SAFB2: variants seen among roughly 807,000 people sequenced by gnomAD.
SAFB2 encodes scaffold attachment factor B2.
In SAFB2, 32 loss-of-function variants were observed where a neutral mutation model predicts 100.6. The ratio of observed to expected loss-of-function variants is 0.32; its 90% CI spans 0.24 to 0.43. SAFB2 has a LOEUF of 0.43. Among genes scored for constraint, SAFB2 ranks in the 20% least tolerant of loss-of-function variants. The probability of loss-of-function intolerance (pLI) is 1.00; values close to 1 mark genes in which losing one functional copy is unlikely to be tolerated. For missense variants in SAFB2, 1,185 were observed against 1,163.4 expected, an observed-to-expected ratio of 1.02 and a Z score of -0.27; for synonymous variants, 500 against 439.4, an observed-to-expected ratio of 1.14 and a Z score of -1.72.
At chr19:5,620,465 C>CA (rs2053117576) in intron 2 of SAFB2, among the ~76,000 whole-genome samples, 1 of 152,158 alleles carries the variant, frequency 6.6e-6, no homozygotes, top group Non-Finnish European at 1.5e-5. Context: ...TTATGGAATT[C>CA]AATGCTTTCA....
chr19:5,616,025 T>C (rs2053020734), intron 4 of SAFB2, 107 bp downstream of exon 4: 7 of 985,974 alleles, frequency 7.1e-6, no homozygotes, highest in East Asian at 4.8e-5. Flanking sequence ...GAAGCAGAAC[T>C]GTGTGTTCAT....
chr19:5,605,602 G>A (rs1054444142), intron 9 of SAFB2, among the ~76,000 whole-genome samples: 15 of 152,168 alleles, frequency 9.9e-5, no homozygotes, highest in African/African-American at 3.6e-4. Flanking sequence ...CACTCCAGCT[G>A]GGCCTGAGAA....
At position 5,602,545 on chromosome 19, in the gene SAFB2, G is replaced by A. The variant is rs368265100; in HGVS notation, c.1559+2038C>T. On this transcript the variant is annotated intron_variant, in intron 11 of 20. Coordinates refer to ENST00000252542, the MANE Select transcript of SAFB2 (RefSeq NM_014649.3). ...ACCCAGTTAAGAGCCATGGGGCTCC[G>A]AGCAAACTTCATAGGTTGAATCCCA... 1.7e-3 allele frequency among the ~76,000 whole-genome samples: 241 copies of A among 145,612 alleles called. 1 individual carries two copies. Among genetic ancestry groups the A allele is most frequent in the African/African-American group, 5.2e-3 (206 of 39,558 alleles).
rs1415901874 is a variant in SAFB2 at position 5,604,687 on chromosome 19, A to G, written c.1455T>C (p.Asn485=). ...CGGAAAGCTTTTTCCCAGCAGGCTC[A>G]TTTTTGGCCTAAAATATAATAGACA... ...GRMISVEKAK[N]EPAGKKLSDR... Residue 485 remains asparagine, a synonymous_variant, in exon 11 of 21, where the codon AAT becomes AAC. Transcript: ENST00000252542. The G allele has an allele frequency of 6.2e-7, 1 of 1,614,016 alleles. No individual in the cohort carries two copies.
At chr19:5,614,570 G>A (rs552573583) in intron 4 of SAFB2, among the ~76,000 whole-genome samples, 4 of 152,240 alleles carry the variant, frequency 2.6e-5, no homozygotes, top group Non-Finnish European at 4.4e-5. Context: ...TGGAGGCAAT[G>A]ACTTTTGACC....
chr19:5,606,611 C>T (rs1300294852), intron 9 of SAFB2, among the ~76,000 whole-genome samples: 1 of 152,012 alleles, frequency 6.6e-6, no homozygotes, highest in African/African-American at 2.4e-5. Flanking sequence ...CAGTGAGATC[C>T]TGTCTCTAAG....
At chr19:5,592,575 T>G (rs574905967) in intron 16 of SAFB2, among the ~76,000 whole-genome samples, 172 bp downstream of exon 16, 9 of 152,328 alleles carry the variant, frequency 5.9e-5, no homozygotes, top group African/African-American at 2.2e-4. Flanking sequence ...AGCTGGGGAT[T>G]CCAGCAACTC....
chr19:5,621,812 C>T (rs1192481636), intron 1 of SAFB2, among the ~76,000 whole-genome samples: 1 of 152,260 alleles, frequency 6.6e-6, no homozygotes, highest in Non-Finnish European at 1.5e-5. Context: ...ACAGGTCCCT[C>T]AGTGCCTGCC....
chr19:5,609,584 A>G (rs1255302618), intron 9 of SAFB2, among the ~76,000 whole-genome samples: 2 of 151,348 alleles, frequency 1.3e-5, no homozygotes, highest in African/African-American at 2.4e-5. Context: ...TAAGGGAAAA[A>G]TCTCATCATG....
At chr19:5,593,801 G>C in intron 15 of SAFB2, 90 bp downstream of exon 15, 1 of 1,292,340 alleles carries the variant, frequency 7.7e-7, no homozygotes, top group Middle Eastern at 2.8e-4. Context: ...CCCACCGACA[G>C]GGACGGAAGG....
intron 15 of SAFB2, 127 bp downstream of exon 15, chr19:5,593,764 G>T: frequency 1.9e-6 from 2 of 1,047,274 alleles, no homozygotes; most frequent in Non-Finnish European, 2.6e-6. Flanking sequence ...TCCCCAAGGC[G>T]CATGCTCCAT....
Position 5,610,658 on chromosome 19 carries a change from T to A in SAFB2, c.1176A>T (p.Pro392=). ...SSFKEEKDIK[P]IIKDEKGRVG... The stretch of plus-strand genomic sequence containing the variant: ...TCATACCTTTTTCATCTTTAATGAT[T>A]GGCTTTATATCTTTTTCTTCCTTAA... Residue 392 remains proline (P), a synonymous_variant, in exon 8 of 21, where the codon CCA becomes CCT. Transcript: ENST00000252542. 1 of 1,572,832 alleles carries A rather than the reference T, an allele frequency of 6.4e-7. No individual in the cohort carries two copies. The highest frequency in any genetic ancestry group is 8.7e-7 in the Non-Finnish European group (1 of 1,148,440).
chr19:5,602,884 G>C (rs1201923493), intron 11 of SAFB2, among the ~76,000 whole-genome samples: 1 of 151,962 alleles, frequency 6.6e-6, no homozygotes, highest in Admixed American at 6.6e-5. Flanking sequence ...TTTTGAAGTT[G>C]CTGATTAAAT....
intron 4 of SAFB2, among the ~76,000 whole-genome samples, chr19:5,615,351 T>C (rs1410961607): frequency 6.6e-6 from 1 of 151,924 alleles, no homozygotes; most frequent in African/African-American, 2.4e-5. Context: ...AGAGACTCTG[T>C]CTCAAAAACA....
At chr19:5,595,593 G>GC (rs2052520060) in intron 13 of SAFB2, 96 bp from the exon 14 acceptor site, 1 of 1,441,158 alleles carries the variant, frequency 6.9e-7, no homozygotes, top group East Asian at 2.3e-5. Context: ...AGATTCTCTG[G>GC]CCCCACATGG....
At chr19:5,596,460 T>G (rs2052538305) in intron 13 of SAFB2, among the ~76,000 whole-genome samples, 1 of 152,188 alleles carries the variant, frequency 6.6e-6, no homozygotes, top group Admixed American at 6.5e-5. Flanking sequence ...TCCTCCCACC[T>G]CAGCCTCCTC....
At chr19:5,591,467 A>T (rs2052402346) in intron 17 of SAFB2, 1 of 304,862 alleles carries the variant, frequency 3.3e-6, no homozygotes, top group Non-Finnish European at 6.2e-6. Flanking sequence ...TTTAGTAGAG[A>T]CAGGGTTTCA....
Position 5,611,201 on chromosome 19 carries a change from T to C in SAFB2, c.1064A>G (p.Lys355Arg). The C allele has an allele frequency of 2.3e-6, 1 of 436,214 alleles. No homozygotes were observed. The highest frequency in any genetic ancestry group is 3.8e-6 in the Non-Finnish European group (1 of 265,454). The allele number at this position is 436,214 out of a possible 1,614,324, so 27.0% of individuals were successfully genotyped here. The stretch of plus-strand genomic sequence containing the variant: ...TTCATTACAAGCGTCAAAATCAAAC[T>C]TCCTCCCGTCTTCTTTGCTATCTCT... ...EARDSKEDGR[K>R]FDFDACNEVP... Residue 355 changes from lysine (K) to arginine (R), a missense_variant, in exon 7 of 21, where the codon AAG becomes AGG. Around this residue, in one of 3 missense-constraint regions of SAFB2, gnomAD observed 351 missense variants for 341.2 expected, o/e 1.03. Coordinates refer to ENST00000252542, the MANE Select transcript of SAFB2 (RefSeq NM_014649.3).
At chr19:5,592,995 C>T (rs191183179) in intron 15 of SAFB2, 108 bp from the exon 16 acceptor site, 39 of 1,009,486 alleles carry the variant, frequency 3.9e-5, no homozygotes, top group Middle Eastern at 2.3e-4. Flanking sequence ...GACCCAGTAT[C>T]GTTTAAAATG....
Sources: gnomAD v4.1 joint callset for allele counts (sites outside exome capture counted in the v4.1 genomes callset) on GRCh38, gnomAD v4.1.1 for gene constraint, gnomAD v4.1.1 regional missense constraint, MANE v1.5 for transcripts, NCBI Gene and HGNC (gene_info 2026-07-23, HGNC 2026-07-21) for gene names.